Variants in ZNRF3 observed in about 807,000 individuals in gnomAD.
ZNRF3 encodes E3 ubiquitin-protein ligase ZNRF3.
A neutral mutation model predicts 72.5 loss-of-function variants in ZNRF3; 23 were observed. The ratio of observed to expected loss-of-function variants is 0.32; its 90% CI spans 0.23 to 0.45. The LOEUF is 0.45. Among genes scored for constraint, ZNRF3 ranks in the 20% least tolerant of loss-of-function variants. The pLI is 1.00. For missense variants in ZNRF3, 1,169 were observed against 1,272.1 expected (o/e 0.92, Z 1.23); for synonymous variants, 610 against 545.3 (o/e 1.12, Z -1.65).
At chr22:28,958,451 GGGC>G (rs143482726) in intron 1 of ZNRF3, among the ~76,000 whole-genome samples, 6,308 of 152,168 alleles carry the variant, frequency 0.041, 202 homozygotes, top group Non-Finnish European at 0.064. Flanking sequence ...CTGAGGTGGC[GGGC>G]GGTGTTAGAG....
In ZNRF3 at chr22:29,049,603, C is replaced by T; in HGVS notation, c.1422C>T (p.Phe474=). 1.2e-6 allele frequency: 2 copies of T among 1,609,808 alleles called. No homozygotes were observed. The highest frequency in any genetic ancestry group is 1.7e-6 in the Non-Finnish European group (2 of 1,178,990). ...QYETMYQHYY[F]QGLSYPEQEG... ...AGACCATGTACCAGCACTACTACTT[C>T]CAGGGCCTCAGCTACCCGGAGCAGG... The change falls in exon 8 of 9, where the codon TTC becomes TTT. Residue 474 remains phenylalanine (F), a synonymous_variant. Transcript: ENST00000544604. The surrounding 1 kb of genome is among the most constrained non-coding windows in gnomAD (Gnocchi z 5.2).
In ZNRF3 at chr22:29,049,489, G is replaced by A. The variant is rs747195986; in HGVS notation, c.1308G>A (p.Glu436=). 6.2e-6 allele frequency: 10 copies of A among 1,604,834 alleles called. No individual in the cohort carries two copies. The East Asian group carries it at 2.0e-4, about 32-fold the overall frequency. ...TGGCCGCTCACCGCTGCGGCCTGGA[G>A]CACCGGGCCTACTCCCCAGCCCACC... ...HSLAAHRCGL[E]HRAYSPAHPF... Residue 436 remains glutamate, a synonymous_variant, in exon 8 of 9, where the codon GAG becomes GAA. Coordinates refer to ENST00000544604, the MANE Select transcript of ZNRF3 (RefSeq NM_001206998.2). This position sits in a 1 kb window ranked among gnomAD's most constrained non-coding sequence, Gnocchi z 5.2.
chr22:28,997,985 C>G (rs75966622), intron 2 of ZNRF3, among the ~76,000 whole-genome samples: 2,819 of 114,854 alleles, frequency 0.025, 98 homozygotes, highest in African/African-American at 0.085. Flanking sequence ...GACCCTGGCT[C>G]TTTAAAAAAA....
At chr22:28,967,147 G>T (rs1250941936) in intron 1 of ZNRF3, among the ~76,000 whole-genome samples, 3 of 152,168 alleles carry the variant, frequency 2.0e-5, no homozygotes, top group Admixed American at 1.3e-4. Context: ...CTCCCAGAGT[G>T]CTGGGATTAC....
intron 1 of ZNRF3, among the ~76,000 whole-genome samples, chr22:28,909,517 G>A (rs1244759276): frequency 6.6e-6 from 1 of 151,870 alleles, no homozygotes; most frequent in Non-Finnish European, 1.5e-5. Flanking sequence ...AGGTCTGCAT[G>A]CTTATCTTCC....
chr22:29,025,163 G>A (rs925509683), intron 2 of ZNRF3: 1 of 151,870 alleles, frequency 6.6e-6, no homozygotes, highest in African/African-American at 2.4e-5. Context: ...TGTATTTTTA[G>A]TAGAGACGGG....
chr22:28,933,780 C>CCCCTCCCT (rs1224386222), intron 1 of ZNRF3, among the ~76,000 whole-genome samples: 1 of 123,092 alleles, frequency 8.1e-6, no homozygotes, highest in East Asian at 2.7e-4. Flanking sequence ...TCTCTCTCTC[C>CCCCTCCCT]CCTCCCTCCT....
At chr22:28,939,677 G>A (rs1459320997) in intron 1 of ZNRF3, among the ~76,000 whole-genome samples, 1 of 151,926 alleles carries the variant, frequency 6.6e-6, no homozygotes, top group Non-Finnish European at 1.5e-5. Context: ...TTTCTCGGAG[G>A]GCAGAATCTG....
chr22:28,964,359 C>A (rs1358106138), intron 1 of ZNRF3, among the ~76,000 whole-genome samples: 1 of 152,164 alleles, frequency 6.6e-6, no homozygotes, highest in Non-Finnish European at 1.5e-5. Flanking sequence ...AGAAAGCTCA[C>A]CAGCCTTGAT....
chr22:28,914,160 C>A (rs2034367858), intron 1 of ZNRF3, among the ~76,000 whole-genome samples: 1 of 152,210 alleles, frequency 6.6e-6, no homozygotes, highest in African/African-American at 2.4e-5. Flanking sequence ...TCTGGCTGAT[C>A]TGCAGGCCCC....
At chr22:28,998,035 C>G (rs1006967886) in intron 2 of ZNRF3, among the ~76,000 whole-genome samples, 2 of 149,932 alleles carry the variant, frequency 1.3e-5, no homozygotes, top group African/African-American at 4.9e-5. Context: ...CACGGTGGCT[C>G]ACGCCTGTAA....
intron 1 of ZNRF3, among the ~76,000 whole-genome samples, chr22:28,946,348 G>A (rs1199653808): frequency 6.6e-6 from 1 of 152,010 alleles, no homozygotes. Flanking sequence ...TAAAATTAAA[G>A]CCCCCTTTTT....
intron 1 of ZNRF3, among the ~76,000 whole-genome samples, chr22:28,960,480 A>G (rs1037550152): frequency 2.0e-5 from 3 of 152,142 alleles, no homozygotes; most frequent in Non-Finnish European, 2.9e-5. Context: ...GTAGCTGGAG[A>G]GCTACTGTTA....
chr22:28,930,501 G>A (rs1005388659), intron 1 of ZNRF3, among the ~76,000 whole-genome samples: 5 of 152,216 alleles, frequency 3.3e-5, no homozygotes, highest in Non-Finnish European at 7.3e-5. Context: ...TTCAAGCCCC[G>A]GTTCTGTTGC....
intron 1 of ZNRF3, among the ~76,000 whole-genome samples, chr22:28,968,301 T>A (rs75923271): frequency 0.027 from 4,095 of 152,340 alleles, 118 homozygotes; most frequent in African/African-American, 0.074. Context: ...TATTCTTTTT[T>A]AAAAATATCC....
chr22:29,047,217 G>A (rs913308508), intron 6 of ZNRF3, among the ~76,000 whole-genome samples: 5 of 152,252 alleles, frequency 3.3e-5, no homozygotes, highest in Non-Finnish European at 7.3e-5. Flanking sequence ...TTATTACACC[G>A]CTGCATATCA....
intron 5 of ZNRF3, among the ~76,000 whole-genome samples, chr22:29,046,415 G>A (rs567493380): frequency 4.6e-5 from 7 of 152,310 alleles, no homozygotes; most frequent in African/African-American, 7.2e-5. Context: ...TTGATAACTC[G>A]GGGTCTGGCA....
At chr22:29,042,618 C>T (rs2036985562) in intron 3 of ZNRF3, 49 bp downstream of exon 3, 1 of 1,551,762 alleles carries the variant, frequency 6.4e-7, no homozygotes, top group Admixed American at 1.7e-5. Flanking sequence ...GAGAAAGGCA[C>T]TTCCTTTAGT....
chr22:28,915,826 T>A (rs1163224378), intron 1 of ZNRF3, among the ~76,000 whole-genome samples: 1 of 152,240 alleles, frequency 6.6e-6, no homozygotes, highest in African/African-American at 2.4e-5. Context: ...TGAGTAGGTC[T>A]GACCACTGAC....
Sources: gnomAD v4.1 joint callset for allele counts (sites outside exome capture counted in the v4.1 genomes callset) on GRCh38, gnomAD v4.1.1 for gene constraint, Gnocchi (gnomAD v3.1) non-coding constraint, MANE v1.5 for transcripts, NCBI Gene and HGNC (gene_info 2026-07-23, HGNC 2026-07-21) for gene names.